FAM83B: variants seen among roughly 807,000 people sequenced by gnomAD.
FAM83B encodes scaffolding CK1 anchoring protein B.
Under a neutral mutation model 38.8 loss-of-function variants are expected in FAM83B, and 26 were observed. The ratio of observed to expected loss-of-function variants is 0.67; its 90% CI spans 0.49 to 0.93. The LOEUF is 0.93. Ranked by LOEUF, FAM83B falls within the 40% of genes least tolerant of loss-of-function variation. The pLI, the probability that FAM83B is intolerant of heterozygous loss-of-function variation, is 0.00. For synonymous variants in FAM83B, 419 were observed against 423.1 expected (o/e 0.99, Z 0.12); for missense variants, 1,237 against 1,197.3 (o/e 1.03, Z -0.49).
intron 1 of FAM83B, among the ~76,000 whole-genome samples, chr6:54,858,179 A>T (rs1771488200): frequency 6.6e-6 from 1 of 152,194 alleles, no homozygotes; most frequent in Non-Finnish European, 1.5e-5. Flanking sequence ...CAGGAAAATC[A>T]ATAGCTTTGA....
chr6:54,870,740 TAGAG>T (rs1324581630), intron 2 of FAM83B, 50 bp downstream of exon 2: 7 of 1,468,196 alleles, frequency 4.8e-6, no homozygotes, highest in African/African-American at 2.8e-5. Context: ...TGTAGAAAAG[TAGAG>T]AGAGTAATAA....
intron 2 of FAM83B, among the ~76,000 whole-genome samples, chr6:54,873,770 A>C (rs997927502): frequency 2.0e-5 from 3 of 151,846 alleles, no homozygotes; most frequent in Admixed American, 2.0e-4. Flanking sequence ...AGAGATATGA[A>C]GCCAAACCAG....
At chr6:54,846,419 C>T (rs564500736), upstream of FAM83B, among the ~76,000 whole-genome samples, 1 of 152,320 alleles carries the variant, frequency 6.6e-6, no homozygotes, top group African/African-American at 2.4e-5. Context: ...GCGTCGCTGT[C>T]CTCCGGGATC....
chr6:54,894,126 G>A (rs1581906741), intron 2 of FAM83B, among the ~76,000 whole-genome samples: 1 of 152,126 alleles, frequency 6.6e-6, no homozygotes, highest in South Asian at 2.1e-4. Context: ...GAGGGAGAAG[G>A]GTTCTTTCAA....
intron 2 of FAM83B, among the ~76,000 whole-genome samples, chr6:54,894,576 GC>G (rs1772475787): frequency 6.6e-6 from 1 of 152,112 alleles, no homozygotes; most frequent in Non-Finnish European, 1.5e-5. Flanking sequence ...AAGAATCTAT[GC>G]CATCTTAGGG....
rs1260992129 is a variant in FAM83B at position 54,941,979 on chromosome 6, T to C, written c.3008T>C (p.Phe1003Ser). The stretch of plus-strand genomic sequence containing the variant: ...AAGTTTCGAGGATTTATGCAAAAGT[T>C]TGGAAACTTTATACACAAAAATAAA... ...ENKFRGFMQKFGNFIHKNK is the reference protein window; with the variant it reads ...ENKFRGFMQKSGNFIHKNK The change falls in exon 5 of 5, where the codon TTT becomes TCT. Residue 1003 changes from phenylalanine to serine, a missense_variant. By Grantham distance (155) the Phe-to-Ser change is radical. Coordinates refer to ENST00000306858, the MANE Select transcript of FAM83B (RefSeq NM_001010872.3). 1.2e-6 allele frequency: 2 copies of C among 1,604,294 alleles called. No individual in the cohort carries two copies. Among genetic ancestry groups the C allele is most frequent in the African/African-American group, 2.7e-5 (2 of 74,286 alleles).
At chr6:54,927,394 A>G in intron 3 of FAM83B, 114 bp from the exon 4 acceptor site, 1 of 748,140 alleles carries the variant, frequency 1.3e-6, no homozygotes, top group East Asian at 3.1e-5. Flanking sequence ...TTTTTTTTTT[A>G]ATTACCTTAA....
intron 4 of FAM83B, 90 bp downstream of exon 4, chr6:54,927,722 TAAAAGTAAA>T: frequency 2.9e-6 from 1 of 341,506 alleles, no homozygotes; most frequent in South Asian, 9.3e-5. Context: ...AGCTTTTTCT[TAAAAGTAAA>T]AAAAAAAAAA....
At chr6:54,852,055 A>T (rs1046914699) in intron 1 of FAM83B, among the ~76,000 whole-genome samples, 2 of 145,522 alleles carry the variant, frequency 1.4e-5, no homozygotes, top group African/African-American at 4.9e-5. Context: ...TGCTGGGATT[A>T]CAGGTGTGAG....
At chr6:54,868,326 C>T (rs992686660) in intron 1 of FAM83B, among the ~76,000 whole-genome samples, 7 of 152,148 alleles carry the variant, frequency 4.6e-5, no homozygotes, top group East Asian at 1.9e-4. Context: ...AGCCCTCCTC[C>T]GCACAAGTGA....
chr6:54,851,407 A>T (rs577598557), intron 1 of FAM83B, among the ~76,000 whole-genome samples: 2 of 149,858 alleles, frequency 1.3e-5, no homozygotes, highest in Non-Finnish European at 3.0e-5. Context: ...TCATACTTCT[A>T]TTTATTTGTC....
chr6:54,937,732 AC>A (rs1208781877), intron 4 of FAM83B, among the ~76,000 whole-genome samples: 1 of 152,144 alleles, frequency 6.6e-6, no homozygotes, highest in Non-Finnish European at 1.5e-5. Context: ...TTCAGCAGAA[AC>A]CAGGCCTCTT....
intron 2 of FAM83B, among the ~76,000 whole-genome samples, chr6:54,886,313 G>GT (rs1313439273): frequency 2.0e-5 from 3 of 149,148 alleles, no homozygotes; most frequent in Non-Finnish European, 3.0e-5. Flanking sequence ...ATTTTTTTTT[G>GT]TTTTTTTGTT....
At chr6:54,916,036 G>A (rs115366266) in intron 2 of FAM83B, among the ~76,000 whole-genome samples, 1,770 of 151,996 alleles carry the variant, frequency 0.012, 42 homozygotes, top group African/African-American at 0.04. Flanking sequence ...TAGCTTTATC[G>A]CCATCTCTTT....
chr6:54,894,295 A>G (rs913688003), intron 2 of FAM83B, among the ~76,000 whole-genome samples: 3 of 152,156 alleles, frequency 2.0e-5, no homozygotes, highest in Non-Finnish European at 4.4e-5. Flanking sequence ...AGAATTTACA[A>G]ACTTAAGTCC....
chr6:54,909,694 A>C (rs538735257), intron 2 of FAM83B, among the ~76,000 whole-genome samples: 141 of 152,334 alleles, frequency 9.3e-4, no homozygotes, highest in Admixed American at 9.2e-3. Flanking sequence ...ATTGCCCCCA[A>C]GAAAGTAATA....
chr6:54,935,845 G>A (rs977191847), intron 4 of FAM83B, among the ~76,000 whole-genome samples: 1 of 152,012 alleles, frequency 6.6e-6, no homozygotes, highest in African/African-American at 2.4e-5. Flanking sequence ...GAAAAAGAGG[G>A]CATTCAAAGA....
intron 2 of FAM83B, among the ~76,000 whole-genome samples, chr6:54,920,096 T>G (rs1293317557): frequency 6.6e-6 from 1 of 152,066 alleles, no homozygotes; most frequent in East Asian, 1.9e-4. Context: ...ATATATAAAT[T>G]TCATGCAAAA....
chr6:54,925,937 T>A (rs1178456335), intron 2 of FAM83B, among the ~76,000 whole-genome samples: 1 of 152,166 alleles, frequency 6.6e-6, no homozygotes. Flanking sequence ...TTCTAGAATA[T>A]TTTTTTCTCT....
Sources: allele counts gnomAD v4.1 joint callset (sites outside exome capture counted in the v4.1 genomes callset), GRCh38; gene constraint gnomAD v4.1.1; transcripts MANE v1.5; gene names NCBI Gene and HGNC (gene_info 2026-07-23, HGNC 2026-07-21).